Variants in MCU observed in about 807,000 individuals in gnomAD.
The protein encoded by MCU is mitochondrial calcium uniporter.
Under a neutral mutation model 45.2 loss-of-function variants are expected in MCU, and 12 were observed. The ratio of observed to expected loss-of-function variants is 0.27; its 90% CI spans 0.17 to 0.43. The LOEUF (loss-of-function observed/expected upper bound fraction) is 0.43, where lower values mean the gene tolerates loss of function less well. Ranked by LOEUF, MCU falls within the 20% of genes least tolerant of loss-of-function variation. The pLI is 1.00. For missense variants in MCU, 324 were observed against 436.7 expected (o/e 0.74, Z 2.30); for synonymous variants, 160 against 165.1 (o/e 0.97, Z 0.24).
At chr10:72,759,687 G>T (rs1435102892) in intron 1 of MCU, among the ~76,000 whole-genome samples, 1 of 152,058 alleles carries the variant, frequency 6.6e-6, no homozygotes, top group African/African-American at 2.4e-5. Flanking sequence ...CATATTATAG[G>T]GTTGAAGCCT....
At chr10:72,696,161 CAAAAAAAA>C (rs58694098) in intron 1 of MCU, among the ~76,000 whole-genome samples, 3 of 30,636 alleles carry the variant, frequency 9.8e-5, no homozygotes, top group African/African-American at 4.0e-4. Context: ...AACTCCGACT[CAAAAAAAA>C]AAAAAAAAAA....
intron 1 of MCU, among the ~76,000 whole-genome samples, chr10:72,813,128 A>G (rs142600891): frequency 6.6e-6 from 1 of 152,294 alleles, no homozygotes; most frequent in Non-Finnish European, 1.5e-5. Flanking sequence ...AGTTCGTTCA[A>G]ACAGATTCCC....
chr10:72,884,514 C>A, intron 7 of MCU, 132 bp downstream of exon 7: 4 of 609,968 alleles, frequency 6.6e-6, no homozygotes, highest in Non-Finnish European at 8.8e-6. Context: ...ATAAATTATT[C>A]CTCAGTTGAT....
intron 1 of MCU, among the ~76,000 whole-genome samples, chr10:72,751,374 G>A (rs569211765): frequency 6.4e-3 from 175 of 27,384 alleles, no homozygotes; most frequent in Middle Eastern, 0.028. Context: ...TTTTTTTTGA[G>A]ACAGAGTCTC....
At chr10:72,839,963 C>CAAAA (rs34053459) in intron 2 of MCU, among the ~76,000 whole-genome samples, 2 of 76,290 alleles carry the variant, frequency 2.6e-5, no homozygotes, top group African/African-American at 1.1e-4. Flanking sequence ...GACTCCGTCT[C>CAAAA]AAAAAAAAAA....
chr10:72,700,146 G>A (rs182169611), intron 1 of MCU, among the ~76,000 whole-genome samples: 79 of 143,284 alleles, frequency 5.5e-4, no homozygotes, highest in African/African-American at 1.8e-3. Context: ...TACAGCCTCT[G>A]CCCCCAGAGT....
Position 72,868,758 on chromosome 10 carries a change from G to A in MCU, c.552G>A (p.Gln184=), listed in dbSNP as rs1845496910. ...ATLNDVKTLV[Q]QLYTTLCIEQ... The stretch of plus-strand genomic sequence containing the variant: ...TGAATGATGTAAAGACATTGGTCCA[G>A]CAACTATACACCACACTGTGCATTG... The change falls in exon 5 of 8, where the codon CAG becomes CAA. Residue 184 remains glutamine, a synonymous_variant. Transcript: ENST00000373053. 1.2e-6 allele frequency: 2 copies of A among 1,614,164 alleles called. No individual in the cohort carries two copies. Among genetic ancestry groups the A allele is most frequent in the African/African-American group, 1.3e-5 (1 of 75,052 alleles).
chr10:72,860,580 A>G, intron 4 of MCU, 53 bp downstream of exon 4: 1 of 1,419,558 alleles, frequency 7.0e-7, no homozygotes. Context: ...GCTTTTGGAA[A>G]TAACTTTATT....
In MCU at chr10:72,692,179, C is replaced by T. The variant is rs773635204; in HGVS notation, c.28C>T (p.Leu10=). ...GGCGGCCGCCGCAGGTAGATCGCTCCTGCTGCTCCTCTCCTCTCGGGGCGG... is the reference window on the plus strand; with the variant it reads ...GGCGGCCGCCGCAGGTAGATCGCTCTTGCTGCTCCTCTCCTCTCGGGGCGG... The part of the protein sequence containing the change: MAAAAGRSL[L]LLLSSRGGGG... The change falls in exon 1 of 8, where the codon CTG becomes TTG. Residue 10 remains leucine, a synonymous_variant. Coordinates refer to ENST00000373053, the MANE Select transcript of MCU (RefSeq NM_138357.3). The T allele has an allele frequency of 6.2e-5, 80 of 1,283,626 alleles. No homozygotes were observed. Among genetic ancestry groups the T allele is most frequent in the African/African-American group, 5.2e-4 (34 of 65,382 alleles). 79.5% of individuals were successfully genotyped at this position (1,283,626 alleles called of 1,614,324 possible).
rs1843845553 is a variant in MCU at position 72,773,630 on chromosome 10, A to G, written c.151-60729A>G. Among the ~76,000 whole-genome samples the G allele has an allele frequency of 3.9e-5, 6 of 152,340 alleles. No individual in the cohort carries two copies. The South Asian group carries it at 1.2e-3, about 32-fold the overall frequency. On this transcript the variant is annotated intron_variant, in intron 1 of 7. Coordinates refer to ENST00000373053, the MANE Select transcript of MCU (RefSeq NM_138357.3). The stretch of plus-strand genomic sequence containing the variant: ...AAAGATAGAAATATCCAGGCACAGG[A>G]AAGTCTGTGCCAAACAGATTAAACC...
Position 72,886,033 on chromosome 10 carries a change from A to G in MCU, c.*211A>G, listed in dbSNP as rs1845769840. On this transcript the variant is annotated 3_prime_UTR_variant, in exon 8 of 8. Transcript: ENST00000373053. ...TATAAGCTCAAAGGGCTTAGTGAAT[A>G]TTGTCTTAACCAAGTATCTCAGTTT... 3.9e-6 allele frequency: 2 copies of G among 507,228 alleles called. No individual in the cohort carries two copies. Among genetic ancestry groups the G allele is most frequent in the Non-Finnish European group, 7.0e-6 (2 of 284,702 alleles). The allele number at this position is 507,228 out of a possible 1,614,324, so 31.4% of individuals were successfully genotyped here. A position where few individuals can be genotyped will look rare whatever the true frequency, so the allele number is the denominator to read the frequency against.
At chr10:72,791,085 A>T (rs923834802) in intron 1 of MCU, among the ~76,000 whole-genome samples, 1 of 152,190 alleles carries the variant, frequency 6.6e-6, no homozygotes, top group Non-Finnish European at 1.5e-5. Context: ...GGTGGCAAAC[A>T]TATATTAAAA....
intron 1 of MCU, among the ~76,000 whole-genome samples, chr10:72,725,194 C>T (rs978723548): frequency 2.0e-5 from 3 of 150,634 alleles, no homozygotes; most frequent in Admixed American, 6.6e-5. Context: ...GGTGTGATCT[C>T]GGCTCACTGT....
At chr10:72,824,858 T>C (rs563977169) in intron 1 of MCU, among the ~76,000 whole-genome samples, 1 of 152,290 alleles carries the variant, frequency 6.6e-6, no homozygotes, top group East Asian at 1.9e-4. Context: ...AGAGCAAAAA[T>C]GAAAATCACA....
intron 4 of MCU, among the ~76,000 whole-genome samples, chr10:72,866,355 A>G (rs1220642035): frequency 1.3e-5 from 2 of 152,176 alleles, no homozygotes; most frequent in African/African-American, 4.8e-5. Context: ...GAGGAAAGAA[A>G]TAGAAGGCAC....
chr10:72,780,511 A>AGTGTGTGTGTGTGTGTGTGTGTGT (rs60306247), intron 1 of MCU, among the ~76,000 whole-genome samples: 3,171 of 110,478 alleles, frequency 0.029, 272 homozygotes, highest in East Asian at 0.13. Flanking sequence ...TCTTTGGCTA[A>AGTGTGTGTGTGTGTGTGTGTGTGT]GTGTGTGTGT....
intron 4 of MCU, among the ~76,000 whole-genome samples, chr10:72,862,203 G>A (rs1487743668): frequency 2.6e-5 from 4 of 151,788 alleles, no homozygotes; most frequent in South Asian, 2.1e-4. Flanking sequence ...GGATGGTCTC[G>A]ATCTCCTGAC....
At chr10:72,803,410 C>T (rs1844372019) in intron 1 of MCU, among the ~76,000 whole-genome samples, 1 of 151,580 alleles carries the variant, frequency 6.6e-6, no homozygotes, top group Non-Finnish European at 1.5e-5. Context: ...CAAATGCTTG[C>T]CACAAAGAAA....
intron 1 of MCU, chr10:72,766,977 T>G (rs1415257960): frequency 6.6e-6 from 1 of 152,182 alleles, no homozygotes; most frequent in African/African-American, 2.4e-5. Flanking sequence ...CTATTTTAAG[T>G]GTACAAGTAA....
Sources: allele counts gnomAD v4.1 joint callset (sites outside exome capture counted in the v4.1 genomes callset), GRCh38; gene constraint gnomAD v4.1.1; transcripts MANE v1.5; gene names NCBI Gene and HGNC (gene_info 2026-07-23, HGNC 2026-07-21).